Variants in NCOA1 observed in about 807,000 individuals in gnomAD.
The protein encoded by NCOA1 is nuclear receptor coactivator 1.
In NCOA1, 35 loss-of-function variants were observed where a neutral mutation model predicts 150.9. That is an observed-to-expected ratio of 0.23 (90% CI 0.18 to 0.31). NCOA1 has a LOEUF of 0.31. NCOA1 is among the 10% of genes least tolerant of loss of function. NCOA1 has a pLI of 1.00. For missense variants in NCOA1, 1,491 were observed against 1,749.3 expected (o/e 0.85, Z 2.63); for synonymous variants, 590 against 630.0 (o/e 0.94, Z 0.95).
At chr2:24,544,433 G>T (rs2148202997) in intron 1 of NCOA1, among the ~76,000 whole-genome samples, 1 of 152,220 alleles carries the variant, frequency 6.6e-6, no homozygotes, top group South Asian at 2.1e-4. Flanking sequence ...AGGATCTTAG[G>T]AACACGTGCT....
Position 24,682,972 on chromosome 2 carries a change from G to T in NCOA1, c.376G>T (p.Val126Phe). Residue 126 changes from valine to phenylalanine, a missense_variant, in exon 8 of 23, where the codon GTT (valine) becomes TTT (phenylalanine). Coordinates refer to ENST00000348332, the MANE Select transcript of NCOA1 (RefSeq NM_003743.5). Reference protein sequence around the residue: ...LLEALDGFFFVVNCEGRIVFV... With the variant: ...LLEALDGFFFFVNCEGRIVFV... ...GCAGGCTTTGGATGGATTTTTCTTTGTTGTGAACTGTGAAGGGAGAATTGT... is the reference window on the plus strand; with the variant it reads ...GCAGGCTTTGGATGGATTTTTCTTTTTTGTGAACTGTGAAGGGAGAATTGT... 6.3e-7 allele frequency: 1 copy of T among 1,596,366 alleles called. No individual in the cohort carries two copies. Among genetic ancestry groups the T allele is most frequent in the Non-Finnish European group, 8.5e-7 (1 of 1,174,074 alleles).
chr2:24,729,686 A>G lies in NCOA1; in HGVS notation c.3072A>G (p.Gln1024=). ...CTTCACTGGGGACGATGCCTGTTCA[A>G]GTAACACCTCCCCGAGGTGCTTTTT... ...QKPSLGTMPV[Q]VTPPRGAFSP... is the part of the protein sequence containing the mutation. The change falls in exon 17 of 23, where the codon CAA becomes CAG. Residue 1024 remains glutamine (Q), a synonymous_variant. Transcript: ENST00000348332. The G allele has an allele frequency of 6.2e-7, 1 of 1,614,180 alleles. No homozygotes were observed. The highest frequency in any genetic ancestry group is 8.5e-7 in the Non-Finnish European group (1 of 1,180,030).
At chr2:24,574,707 T>C (rs1666881762) in intron 2 of NCOA1, among the ~76,000 whole-genome samples, 2 of 152,148 alleles carry the variant, frequency 1.3e-5, no homozygotes, top group African/African-American at 2.4e-5. Flanking sequence ...TGGATTTTTC[T>C]CAGCTGTTGT....
In NCOA1 at chr2:24,705,269, C is replaced by T. The variant is rs1248348979; in HGVS notation, c.1097+36C>T. The T allele has an allele frequency of 3.1e-6, 5 of 1,597,916 alleles. No individual in the cohort carries two copies. The East Asian group carries it at 6.7e-5, about 21-fold the overall frequency. ...TTTGGAGAGCTTCATATGAAATAAG[C>T]CAGTTCACATATCTCTTATTAGAGA... On this transcript the variant is annotated intron_variant, in intron 12 of 22. Transcript: ENST00000348332.
chr2:24,646,902 A>C (rs1441651198), intron 4 of NCOA1, among the ~76,000 whole-genome samples: 2 of 152,022 alleles, frequency 1.3e-5, no homozygotes, highest in African/African-American at 4.8e-5. Context: ...TTGGAACAAA[A>C]ATTAGGGTTT....
intron 1 of NCOA1, among the ~76,000 whole-genome samples, chr2:24,492,747 T>C (rs1450103484): frequency 6.6e-6 from 1 of 152,136 alleles, no homozygotes; most frequent in East Asian, 1.9e-4. Context: ...CTTGAGTGAA[T>C]TGCAGTCCCA....
chr2:24,609,403 A>G (rs1475542315), intron 3 of NCOA1, among the ~76,000 whole-genome samples: 1 of 152,174 alleles, frequency 6.6e-6, no homozygotes, highest in African/African-American at 2.4e-5. Context: ...CCTTTCATTT[A>G]TAATTACCTT....
chr2:24,576,947 A>G (rs1260631709), intron 2 of NCOA1, among the ~76,000 whole-genome samples: 1 of 152,158 alleles, frequency 6.6e-6, no homozygotes, highest in African/African-American at 2.4e-5. Flanking sequence ...ATAAGTTCTT[A>G]GTACTTTTAA....
chr2:24,534,973 T>G (rs1295700030), intron 1 of NCOA1, among the ~76,000 whole-genome samples: 1 of 152,206 alleles, frequency 6.6e-6, no homozygotes, highest in African/African-American at 2.4e-5. Context: ...TTCTGCTTGG[T>G]GCAAAGCTGC....
intron 1 of NCOA1, among the ~76,000 whole-genome samples, chr2:24,547,405 AT>A (rs1665645372): frequency 6.6e-6 from 1 of 152,186 alleles, no homozygotes; most frequent in African/African-American, 2.4e-5. Flanking sequence ...CTTCCAAAAC[AT>A]CTTTGCTTAG....
At chr2:24,502,427 T>C (rs1325558890) in intron 1 of NCOA1, among the ~76,000 whole-genome samples, 9 of 152,210 alleles carry the variant, frequency 5.9e-5, no homozygotes, top group African/African-American at 2.2e-4. Context: ...AATTAATTGG[T>C]CAAGCAAAGT....
At chr2:24,737,481 A>G (rs1400016422) in intron 17 of NCOA1, among the ~76,000 whole-genome samples, 5 of 152,134 alleles carry the variant, frequency 3.3e-5, no homozygotes, top group African/African-American at 1.2e-4. Flanking sequence ...TACCCATTTC[A>G]TTTGTACATT....
intron 3 of NCOA1, among the ~76,000 whole-genome samples, chr2:24,586,814 C>G (rs757189741): frequency 6.6e-6 from 1 of 152,108 alleles, no homozygotes; most frequent in Non-Finnish European, 1.5e-5. Flanking sequence ...AGATCTCTGT[C>G]CTCTCAGAGA....
chr2:24,543,280 C>T (rs1276032437), intron 1 of NCOA1, among the ~76,000 whole-genome samples: 2 of 152,104 alleles, frequency 1.3e-5, no homozygotes, highest in Non-Finnish European at 2.9e-5. Flanking sequence ...CCTTTTATAA[C>T]AACCTGCTTT....
At chr2:24,651,012 G>T (rs932907871) in intron 4 of NCOA1, among the ~76,000 whole-genome samples, 1 of 151,972 alleles carries the variant, frequency 6.6e-6, no homozygotes. Flanking sequence ...TTTTAGATTT[G>T]GGATGCTCAA....
chr2:24,549,984 A>T (rs1030959470), intron 1 of NCOA1, among the ~76,000 whole-genome samples: 1 of 152,132 alleles, frequency 6.6e-6, no homozygotes, highest in Non-Finnish European at 1.5e-5. Flanking sequence ...CTGAAGTTCA[A>T]ATTTCCACAA....
chr2:24,583,280 A>C (rs543570223), intron 2 of NCOA1, among the ~76,000 whole-genome samples: 10 of 152,288 alleles, frequency 6.6e-5, no homozygotes, highest in Non-Finnish European at 1.0e-4. Context: ...GAATATGCAA[A>C]AGGCCAACAA....
chr2:24,571,967 T>C (rs893603365), intron 2 of NCOA1, among the ~76,000 whole-genome samples: 5 of 152,196 alleles, frequency 3.3e-5, no homozygotes, highest in African/African-American at 1.2e-4. Context: ...TTGTGATACT[T>C]AGATAAAATT....
chr2:24,732,125 T>C (rs1405969874), intron 17 of NCOA1, among the ~76,000 whole-genome samples: 1 of 152,206 alleles, frequency 6.6e-6, no homozygotes, highest in Non-Finnish European at 1.5e-5. Flanking sequence ...TGATGATTCA[T>C]GCTTGATTCA....
Sources: gnomAD v4.1 joint callset for allele counts (sites outside exome capture counted in the v4.1 genomes callset) on GRCh38, gnomAD v4.1.1 for gene constraint, MANE v1.5 for transcripts, NCBI Gene and HGNC (gene_info 2026-07-23, HGNC 2026-07-21) for gene names.